Variants in ARHGAP18 observed in about 807,000 individuals in gnomAD.
ARHGAP18 encodes the protein Rho GTPase activating protein 18, also known as rho GTPase-activating protein 18.
ARHGAP18 carries 67 observed loss-of-function variants against 86.2 expected under a neutral mutation model. That is an observed-to-expected ratio of 0.78 (90% CI 0.64 to 0.95). The LOEUF (loss-of-function observed/expected upper bound fraction) is 0.95, where lower values mean the gene tolerates loss of function less well. Among genes scored for constraint, ARHGAP18 ranks in the 40% least tolerant of loss-of-function variants. ARHGAP18 has a pLI of 0.00. For synonymous variants in ARHGAP18, 283 were observed against 280.4 expected (o/e 1.01, Z -0.09); for missense variants, 691 against 780.4 (o/e 0.89, Z 1.37).
intron 14 of ARHGAP18, 21 bp from the exon 15 acceptor site, chr6:129,578,625 T>C: frequency 6.3e-7 from 1 of 1,584,664 alleles, no homozygotes; most frequent in Non-Finnish European, 8.7e-7. Context: ...AGATGTTGTG[T>C]CAGTTTAATA....
intron 12 of ARHGAP18, among the ~76,000 whole-genome samples, chr6:129,595,331 T>C (rs989067878): frequency 6.6e-6 from 1 of 152,226 alleles, no homozygotes; most frequent in Non-Finnish European, 1.5e-5. Flanking sequence ...TTTCGCTGTA[T>C]AGATATGCCA....
chr6:129,617,377 C>G (rs566576336), intron 6 of ARHGAP18, among the ~76,000 whole-genome samples: 1 of 152,240 alleles, frequency 6.6e-6, no homozygotes, highest in African/African-American at 2.4e-5. Context: ...GGTATGAGGA[C>G]AGACATTGGA....
intron 3 of ARHGAP18, among the ~76,000 whole-genome samples, chr6:129,634,914 G>A (rs1409487696): frequency 6.6e-6 from 1 of 151,374 alleles, no homozygotes; most frequent in Non-Finnish European, 1.5e-5. Flanking sequence ...AGAAATAAAT[G>A]TGAGATAAGT....
intron 1 of ARHGAP18, chr6:129,661,983 C>T: frequency 1.1e-6 from 1 of 924,520 alleles, no homozygotes; most frequent in Non-Finnish European, 1.3e-6. Flanking sequence ...CACACACACA[C>T]ACACACACAG....
chr6:129,625,062 T>A (rs1360566511), intron 5 of ARHGAP18, among the ~76,000 whole-genome samples: 2 of 109,294 alleles, frequency 1.8e-5, no homozygotes, highest in Non-Finnish European at 3.5e-5. Flanking sequence ...GATTGATATA[T>A]ATTTATATAT....
At chr6:129,676,913 C>CTTTTTTTTTTTTTTTTT (rs1562721123) in intron 1 of ARHGAP18, among the ~76,000 whole-genome samples, 1 of 34,566 alleles carries the variant, frequency 2.9e-5, no homozygotes, top group African/African-American at 8.5e-5. Context: ...ATTTTTTGTC[C>CTTTTTTTTTTTTTTTTT]TCTTTTTTTT....
intron 1 of ARHGAP18, among the ~76,000 whole-genome samples, chr6:129,650,143 C>T (rs920829038): frequency 6.7e-6 from 1 of 149,368 alleles, no homozygotes; most frequent in African/African-American, 2.5e-5. Flanking sequence ...AGGCTGGTCT[C>T]GAACTCCCGA....
intron 5 of ARHGAP18, among the ~76,000 whole-genome samples, chr6:129,629,010 T>G (rs1034446452): frequency 6.6e-6 from 1 of 152,180 alleles, no homozygotes; most frequent in Non-Finnish European, 1.5e-5. Context: ...AATTGATCTA[T>G]GAAGGCCAAA....
chr6:129,602,603 CAAT>C (rs1365845493), intron 10 of ARHGAP18, among the ~76,000 whole-genome samples: 3 of 152,040 alleles, frequency 2.0e-5, no homozygotes, highest in Non-Finnish European at 4.4e-5. Flanking sequence ...TAATATCTAA[CAAT>C]GAGATTTATG....
chr6:129,650,666 C>T (rs1289954909), intron 1 of ARHGAP18, among the ~76,000 whole-genome samples: 3 of 152,208 alleles, frequency 2.0e-5, no homozygotes, highest in Non-Finnish European at 4.4e-5. Flanking sequence ...TAGTTCAAAG[C>T]ATATCCACTT....
chr6:129,611,030 G>A (rs1274825646), intron 8 of ARHGAP18, among the ~76,000 whole-genome samples: 1 of 152,076 alleles, frequency 6.6e-6, no homozygotes. Context: ...CTGAGTAGCT[G>A]GAACTCCAGG....
At chr6:129,686,725 T>C (rs1187882328) in intron 1 of ARHGAP18, among the ~76,000 whole-genome samples, 2 of 152,176 alleles carry the variant, frequency 1.3e-5, no homozygotes, top group African/African-American at 4.8e-5. Context: ...CAGATTGATA[T>C]ATTTTTCAGG....
At chr6:129,617,963 A>G (rs901981757) in intron 6 of ARHGAP18, among the ~76,000 whole-genome samples, 20 of 152,218 alleles carry the variant, frequency 1.3e-4, no homozygotes, top group African/African-American at 4.3e-4. Context: ...AAAGATTCCT[A>G]AGGTAAAGCC....
chr6:129,608,191 A>G (rs1788898791), intron 8 of ARHGAP18, 139 bp from the exon 9 acceptor site: 9 of 1,074,996 alleles, frequency 8.4e-6, no homozygotes, highest in African/African-American at 1.6e-5. Context: ...CCAAAAGTCA[A>G]TATTTCTTTT....
At chr6:129,685,506 TA>T (rs113300241) in intron 1 of ARHGAP18, among the ~76,000 whole-genome samples, 235 of 144,234 alleles carry the variant, frequency 1.6e-3, no homozygotes, top group African/African-American at 3.1e-3. Context: ...AGACTCCGTC[TA>T]AAAAAAAAAA....
chr6:129,638,201 G>A (rs1773372845), intron 3 of ARHGAP18, among the ~76,000 whole-genome samples, 193 bp downstream of exon 3: 1 of 152,214 alleles, frequency 6.6e-6, no homozygotes, highest in Non-Finnish European at 1.5e-5. Flanking sequence ...AACTAGCTTT[G>A]TTTTCTGCCC....
Position 129,576,772 on chromosome 6 carries a change from C to G in ARHGAP18, c.*1741G>C, listed in dbSNP as rs961475226. 6.6e-6 allele frequency: 1 copy of G among 151,972 alleles called. No homozygotes were observed. The highest frequency in any genetic ancestry group is 2.4e-5 in the African/African-American group (1 of 41,378). 9.4% of individuals were successfully genotyped at this position (151,972 alleles called of 1,614,324 possible). On this transcript the variant is annotated 3_prime_UTR_variant, in exon 15 of 15. Coordinates refer to ENST00000368149, the MANE Select transcript of ARHGAP18 (RefSeq NM_033515.3). The stretch of plus-strand genomic sequence containing the variant: ...GTATACTCCTAAAATGTTTTAAGCA[C>G]TTAATTTTTCTTTTATATTATTAAT...
chr6:129,705,209 C>G (rs777534443), intron 1 of ARHGAP18, among the ~76,000 whole-genome samples: 7 of 152,142 alleles, frequency 4.6e-5, no homozygotes, highest in Non-Finnish European at 8.8e-5. Flanking sequence ...TGTGGAATGA[C>G]TGAATGATTA....
chr6:129,606,123 G>C (rs1433581753), intron 9 of ARHGAP18, among the ~76,000 whole-genome samples, 164 bp from the exon 10 acceptor site: 1 of 152,228 alleles, frequency 6.6e-6, no homozygotes, highest in Non-Finnish European at 1.5e-5. Flanking sequence ...GTTTGTGGGA[G>C]ATCAGCAGAA....
Sources: allele counts gnomAD v4.1 joint callset (sites outside exome capture counted in the v4.1 genomes callset), GRCh38; gene constraint gnomAD v4.1.1; transcripts MANE v1.5; gene names NCBI Gene and HGNC (gene_info 2026-07-23, HGNC 2026-07-21).